Variants in CCDC170 observed in about 807,000 individuals in gnomAD.
CCDC170 encodes the protein coiled-coil domain containing 170, also known as coiled-coil domain-containing protein 170.
A neutral mutation model predicts 72.6 loss-of-function variants in CCDC170; 69 were observed. That is an observed-to-expected ratio of 0.95 (90% confidence interval 0.78 to 1.16). The LOEUF is 1.16. CCDC170 is among the 50% of genes most tolerant of loss of function. The pLI is 0.00. For synonymous variants in CCDC170, 300 were observed against 303.9 expected, an observed-to-expected ratio of 0.99 and a Z score of 0.13; for missense variants, 852 against 832.5, an observed-to-expected ratio of 1.02 and a Z score of -0.29.
intron 1 of CCDC170, among the ~76,000 whole-genome samples, chr6:151,510,744 TTC>T (rs1479347587): frequency 4.7e-5 from 7 of 149,386 alleles, no homozygotes; most frequent in Admixed American, 6.7e-5. Flanking sequence ...TTTTTTCTTC[TTC>T]TTTTTTTTTT....
chr6:151,577,495 T>C (rs978375449), intron 6 of CCDC170, among the ~76,000 whole-genome samples: 11 of 152,246 alleles, frequency 7.2e-5, no homozygotes, highest in African/African-American at 2.7e-4. Context: ...GATTTTACTT[T>C]AGAATTTTGA....
At chr6:151,570,075 G>C (rs1178322711) in intron 5 of CCDC170, among the ~76,000 whole-genome samples, 1 of 152,194 alleles carries the variant, frequency 6.6e-6, no homozygotes, top group Non-Finnish European at 1.5e-5. Context: ...TGAAACATTA[G>C]TATGATATTG....
chr6:151,573,340 A>G lies in CCDC170; in HGVS notation c.941A>G (p.Asp314Gly). Residue 314 changes from aspartate (D) to glycine (G), a missense_variant, in exon 6 of 11, where the codon GAT (aspartate) becomes GGT (glycine). Physicochemically the swap from Asp to Gly is moderately conservative, Grantham distance 94 (BLOSUM62 -1). Coordinates refer to ENST00000239374, the MANE Select transcript of CCDC170 (RefSeq NM_025059.4). ...GAGAAGAGTTTGAAGGCCAGTCAGG[A>G]TGCAGTCACAACCTCACAAAGCCAG... ...ELEKSLKASQDAVTTSQSQYF... is the reference protein window; with the variant it reads ...ELEKSLKASQGAVTTSQSQYF... The G allele has an allele frequency of 6.2e-7, 1 of 1,614,172 alleles. No homozygotes were observed.
At chr6:151,617,648 G>A (rs1776991527) in intron 10 of CCDC170, among the ~76,000 whole-genome samples, 1 of 151,798 alleles carries the variant, frequency 6.6e-6, no homozygotes, top group Non-Finnish European at 1.5e-5. Context: ...AGAAAATGAA[G>A]GCTTAGTGAG....
chr6:151,540,680 C>T (rs1386022086), intron 3 of CCDC170, among the ~76,000 whole-genome samples: 1 of 152,018 alleles, frequency 6.6e-6, no homozygotes, highest in Admixed American at 6.6e-5. Context: ...AGCCACCACA[C>T]CCAGCCAGTG....
intron 10 of CCDC170, among the ~76,000 whole-genome samples, chr6:151,617,343 C>A (rs1776983879): frequency 6.9e-6 from 1 of 145,746 alleles, no homozygotes; most frequent in Admixed American, 6.9e-5. Flanking sequence ...ATCTGTGTGA[C>A]ATGACTTGAT....
intron 9 of CCDC170, among the ~76,000 whole-genome samples, chr6:151,612,827 G>A: frequency 6.7e-6 from 1 of 150,286 alleles, no homozygotes; most frequent in South Asian, 2.1e-4. Flanking sequence ...TTTCTTACTT[G>A]TTTTTTTTTA....
chr6:151,548,884 T>G (rs904606209), intron 5 of CCDC170, among the ~76,000 whole-genome samples: 2 of 135,778 alleles, frequency 1.5e-5, no homozygotes, highest in African/African-American at 5.1e-5. Context: ...CATGCCCAGC[T>G]AGTTTTTTTG....
chr6:151,521,155 A>G lies in CCDC170; in HGVS notation c.58-15163A>G, dbSNP rs540423721. ...GTTCATTGGCTTCTGATTCCTTCTT[A>G]CCCTCCCCAGCTGCCTCCTGTTACT... On this transcript the variant is annotated intron_variant, in intron 1 of 10. Coordinates refer to ENST00000239374, the MANE Select transcript of CCDC170 (RefSeq NM_025059.4). 5.3e-5 allele frequency among the ~76,000 whole-genome samples: 8 copies of G among 151,718 alleles called. No individual in the cohort carries two copies. In the East Asian group the frequency reaches 1.6e-3, roughly 29 times the overall value.
intron 5 of CCDC170, among the ~76,000 whole-genome samples, chr6:151,564,054 T>C (rs897076323): frequency 1.3e-5 from 2 of 152,226 alleles, no homozygotes; most frequent in African/African-American, 4.8e-5. Context: ...TGTGCTCCTT[T>C]GGAGGCATCA....
chr6:151,544,978 T>C (rs1026251930), intron 4 of CCDC170, among the ~76,000 whole-genome samples: 2 of 152,228 alleles, frequency 1.3e-5, no homozygotes, highest in Non-Finnish European at 2.9e-5. Context: ...GGTTGTCATA[T>C]AGAGTTAATT....
Position 151,548,322 on chromosome 6 carries a change from GA to G in CCDC170, c.611del (p.Asn204MetfsTer4), listed in dbSNP as rs1782810233. The G allele has an allele frequency of 1.3e-6, 2 of 1,592,214 alleles. No homozygotes were observed. Among genetic ancestry groups the G allele is most frequent in the South Asian group, 2.3e-5 (2 of 87,946 alleles). On this transcript the variant is annotated frameshift_variant, in exon 5 of 11. Transcript: ENST00000239374. LOFTEE classifies it high-confidence loss of function. ...LILKLRDLRKENEFVKGQIVI... is the reference protein window; with the variant it reads ...LILKLRDLRKXNEFVKGQIVI... ...TCTTCAGCTTAGAGACCTGCGCAAA[GA>G]AAATGAATTCGTGAAAGGACAAATT...
chr6:151,611,048 T>C (rs750750463), intron 9 of CCDC170, among the ~76,000 whole-genome samples: 1 of 152,120 alleles, frequency 6.6e-6, no homozygotes, highest in Non-Finnish European at 1.5e-5. Flanking sequence ...GAGGTTGAGG[T>C]GGGCGGATCA....
Position 151,615,672 on chromosome 6 carries a change from A to G in CCDC170, c.1940A>G (p.Glu647Gly), listed in dbSNP as rs1562301216. The change falls in exon 10 of 11, where the codon GAA becomes GGA. Residue 647 changes from glutamate (E) to glycine (G), a missense_variant. Transcript: ENST00000239374. ...TCTCTGGAAGAAGCAGAAAAGAGAGAAAAGCAGGTGGGTCTAAATCTGGTG... is the reference window on the plus strand; with the variant it reads ...TCTCTGGAAGAAGCAGAAAAGAGAGGAAAGCAGGTGGGTCTAAATCTGGTG... ...KKSLEEAEKR[E>G]KQLADFREVV... The G allele has an allele frequency of 1.2e-6, 2 of 1,611,020 alleles. No individual in the cohort carries two copies. Among genetic ancestry groups the G allele is most frequent in the South Asian group, 2.2e-5 (2 of 90,910 alleles).
chr6:151,544,471 AT>A (rs1401365040), intron 3 of CCDC170, 100 bp from the exon 4 acceptor site: 26 of 1,145,206 alleles, frequency 2.3e-5, no homozygotes, highest in Non-Finnish European at 3.2e-5. Flanking sequence ...TGTGTTGAAA[AT>A]GACAATTATT....
In CCDC170 at chr6:151,618,128, A is replaced by T. The variant is rs1238665160; in HGVS notation, c.2129A>T (p.His710Leu). The change falls in exon 11 of 11, where the codon CAT (histidine) becomes CTT (leucine). Residue 710 changes from histidine to leucine, a missense_variant. By Grantham distance (99) the His-to-Leu change is moderately conservative. Coordinates refer to ENST00000239374, the MANE Select transcript of CCDC170 (RefSeq NM_025059.4). ...TTGQERHPQG[H>L]LQLLH ...GGGCAAGAGAGGCACCCACAAGGCC[A>T]TTTACAGCTTCTTCATTGAACACTG... The T allele has an allele frequency of 1.2e-6, 2 of 1,614,100 alleles. No homozygotes were observed. Among genetic ancestry groups the T allele is most frequent in the Non-Finnish European group, 1.7e-6 (2 of 1,180,006 alleles).
intron 1 of CCDC170, among the ~76,000 whole-genome samples, chr6:151,509,926 C>T (rs899509482): frequency 2.0e-5 from 3 of 152,068 alleles, no homozygotes; most frequent in African/African-American, 7.2e-5. Context: ...AGTTCCAGAC[C>T]AGCCTGGCCA....
intron 1 of CCDC170, among the ~76,000 whole-genome samples, chr6:151,528,495 T>G (rs908241797): frequency 6.6e-6 from 1 of 152,122 alleles, no homozygotes; most frequent in African/African-American, 2.4e-5. Flanking sequence ...TTTTTTAAAT[T>G]TAAGAGGGAA....
intron 9 of CCDC170, among the ~76,000 whole-genome samples, chr6:151,601,173 A>G (rs760126714): frequency 6.6e-6 from 1 of 152,204 alleles, no homozygotes; most frequent in Non-Finnish European, 1.5e-5. Flanking sequence ...CGGTGGCAAG[A>G]GAGAATGAGA....
Sources: gnomAD v4.1 joint callset for allele counts (sites outside exome capture counted in the v4.1 genomes callset) on GRCh38, gnomAD v4.1.1 for gene constraint, MANE v1.5 for transcripts, NCBI Gene and HGNC (gene_info 2026-07-23, HGNC 2026-07-21) for gene names.